CTNNA3: variants seen among roughly 807,000 people sequenced by gnomAD.
CTNNA3 encodes catenin alpha 3.
A neutral mutation model predicts 95.7 loss-of-function variants in CTNNA3; 76 were observed. That is an observed-to-expected ratio of 0.79 (90% CI 0.66 to 0.96). CTNNA3 has a LOEUF of 0.96. CTNNA3 is among the 40% of genes least tolerant of loss of function. CTNNA3 has a pLI of 0.00. For synonymous variants in CTNNA3, 431 were observed against 374.4 expected, an observed-to-expected ratio of 1.15 and a Z score of -1.74; for missense variants, 1,191 against 1,089.8, an observed-to-expected ratio of 1.09 and a Z score of -1.31.
intron 7 of CTNNA3, among the ~76,000 whole-genome samples, chr10:67,056,742 G>T (rs776619890): frequency 2.0e-5 from 3 of 152,136 alleles, no homozygotes; most frequent in African/African-American, 4.8e-5. Flanking sequence ...AATTAAAATA[G>T]CAAGTTCAAG....
At chr10:66,682,797 A>C (rs763270207) in intron 9 of CTNNA3, among the ~76,000 whole-genome samples, 1 of 152,166 alleles carries the variant, frequency 6.6e-6, no homozygotes, top group Non-Finnish European at 1.5e-5. Flanking sequence ...CAAAACAAAG[A>C]AAAGCAACAT....
At chr10:67,397,004 T>C (rs1844729865) in intron 5 of CTNNA3, among the ~76,000 whole-genome samples, 1 of 152,178 alleles carries the variant, frequency 6.6e-6, no homozygotes, top group Non-Finnish European at 1.5e-5. Context: ...CTTTATAAAT[T>C]ACCCAGTCTT....
chr10:66,809,172 T>C (rs1841777523), intron 7 of CTNNA3, among the ~76,000 whole-genome samples: 1 of 152,180 alleles, frequency 6.6e-6, no homozygotes, highest in African/African-American at 2.4e-5. Context: ...AAAATTGTTG[T>C]ATTATGTGGT....
chr10:66,396,000 T>C (rs1385180898), intron 11 of CTNNA3, among the ~76,000 whole-genome samples: 3 of 151,940 alleles, frequency 2.0e-5, no homozygotes, highest in East Asian at 1.9e-4. Flanking sequence ...CATGTACCCA[T>C]TGTTTAGTTC....
chr10:67,404,969 A>T (rs933583394), intron 5 of CTNNA3, among the ~76,000 whole-genome samples: 2 of 152,210 alleles, frequency 1.3e-5, no homozygotes, highest in African/African-American at 4.8e-5. Flanking sequence ...ACTAAGCTTC[A>T]TAAGAGAAGA....
At chr10:66,628,860 C>T (rs1165442347) in intron 9 of CTNNA3, among the ~76,000 whole-genome samples, 2 of 152,024 alleles carry the variant, frequency 1.3e-5, no homozygotes, top group Non-Finnish European at 2.9e-5. Flanking sequence ...ACATAAACTA[C>T]ATATAGTTAG....
At chr10:67,556,185 T>C (rs1406240230) in intron 3 of CTNNA3, among the ~76,000 whole-genome samples, 1 of 152,230 alleles carries the variant, frequency 6.6e-6, no homozygotes, top group Non-Finnish European at 1.5e-5. Context: ...TGTGCATCGA[T>C]GTTCATCAGG....
At chr10:67,174,194 C>A (rs1355192672) in intron 7 of CTNNA3, among the ~76,000 whole-genome samples, 1 of 152,136 alleles carries the variant, frequency 6.6e-6, no homozygotes, top group Non-Finnish European at 1.5e-5. Context: ...AAAATGGCTG[C>A]CTACTTTTTA....
chr10:66,582,280 G>T (rs1455973599), intron 10 of CTNNA3, among the ~76,000 whole-genome samples: 1 of 151,434 alleles, frequency 6.6e-6, no homozygotes, highest in Non-Finnish European at 1.5e-5. Flanking sequence ...CATGAGCAAA[G>T]AATGTATTTC....
chr10:66,124,396 T>C (rs2082722602), intron 13 of CTNNA3, among the ~76,000 whole-genome samples: 1 of 152,208 alleles, frequency 6.6e-6, no homozygotes, highest in Admixed American at 6.5e-5. Context: ...ATCAGCATTT[T>C]GGTAAAAGCC....
chr10:67,741,260 G>C (rs1241967454), intron 1 of CTNNA3, among the ~76,000 whole-genome samples: 1 of 145,948 alleles, frequency 6.9e-6, no homozygotes, highest in Non-Finnish European at 1.5e-5. Flanking sequence ...GTATACCTAT[G>C]TAACTAACCT....
chr10:66,697,062 AGGAAG>A (rs1847792324), intron 9 of CTNNA3, among the ~76,000 whole-genome samples: 1 of 152,124 alleles, frequency 6.6e-6, no homozygotes, highest in South Asian at 2.1e-4. Context: ...TGGAATTGTT[AGGAAG>A]CAACTGCCCA....
rs1179219885 is a variant in CTNNA3, at chr10:66,312,325, A to AG, written c.1733-31705_1733-31704insC. On this transcript the variant is annotated intron_variant, in intron 12 of 17. Transcript: ENST00000433211. ...TGTAGTTAGGCCTTGGGTAGCTATC[A>AG]AGTACATGCCTAACTTGCCTGCAAC... Among the ~76,000 whole-genome samples the AG allele has an allele frequency of 2.6e-5, 4 of 152,254 alleles. No homozygotes were observed. In the East Asian group the frequency reaches 5.8e-4, roughly 22 times the overall value.
chr10:67,245,164 C>A (rs188313507), intron 5 of CTNNA3, among the ~76,000 whole-genome samples: 1 of 152,262 alleles, frequency 6.6e-6, no homozygotes, highest in Admixed American at 6.5e-5. Context: ...AGAAGCCAGG[C>A]ACATCCCTAC....
At chr10:66,896,907 T>C (rs1190636881) in intron 7 of CTNNA3, among the ~76,000 whole-genome samples, 1 of 152,202 alleles carries the variant, frequency 6.6e-6, no homozygotes, top group East Asian at 1.9e-4. Context: ...TAGCACCCCA[T>C]GCTCACCTCC....
intron 5 of CTNNA3, among the ~76,000 whole-genome samples, chr10:67,402,911 G>T (rs1287477694): frequency 6.6e-6 from 1 of 152,182 alleles, no homozygotes; most frequent in Non-Finnish European, 1.5e-5. Context: ...CTAGGAAGGG[G>T]GCCGAATCCA....
intron 10 of CTNNA3, among the ~76,000 whole-genome samples, chr10:66,550,117 T>G (rs779675123): frequency 2.6e-5 from 4 of 152,184 alleles, no homozygotes; most frequent in African/African-American, 7.2e-5. Context: ...TGAGGCCTAT[T>G]ATCAGGCACA....
At chr10:66,687,085 A>G (rs1472708801) in intron 9 of CTNNA3, among the ~76,000 whole-genome samples, 4 of 152,146 alleles carry the variant, frequency 2.6e-5, no homozygotes, top group African/African-American at 9.7e-5. Context: ...TGTTTGGTAC[A>G]ATGTAATGAA....
intron 13 of CTNNA3, among the ~76,000 whole-genome samples, chr10:66,151,921 CAT>C (rs376564610): frequency 3.9e-5 from 6 of 152,006 alleles, no homozygotes; most frequent in African/African-American, 1.4e-4. Flanking sequence ...TATTGGAACA[CAT>C]AGATTGAATG....
Sources: allele counts gnomAD v4.1 joint callset (sites outside exome capture counted in the v4.1 genomes callset), GRCh38; gene constraint gnomAD v4.1.1; transcripts MANE v1.5; gene names NCBI Gene and HGNC (gene_info 2026-07-23, HGNC 2026-07-21).